Variants in MSR1 observed in about 807,000 individuals in gnomAD.
MSR1 encodes macrophage scavenger receptor 1.
In MSR1, 53 loss-of-function variants were observed where a neutral mutation model predicts 47.2. The observed-to-expected ratio is 1.12, with a 90% CI of 0.90 to 1.41. The LOEUF (loss-of-function observed/expected upper bound fraction) is 1.41. MSR1 is among the 40% of genes most tolerant of loss of function. The pLI, the probability that MSR1 is intolerant of heterozygous loss-of-function variation, is 0.00. For synonymous variants in MSR1, 239 were observed against 185.6 expected (o/e 1.29, Z -2.34); for missense variants, 786 against 546.9 (o/e 1.44, Z -4.36).
chr8:16,188,957 A>AAC lies in MSR1; in HGVS notation c.-5+3639_-5+3640dup, dbSNP rs555116252. On this transcript the variant is annotated intron_variant, in intron 1 of 9. Transcript: ENST00000262101. ...CCAAGTGTTTGCTACCTAATAATTC[A>AAC]ACACACATACATATATATATATATA... 7.7e-3 allele frequency among the ~76,000 whole-genome samples: 637 copies of AAC among 82,398 alleles called. 13 individuals are homozygous for AAC. The highest frequency in any genetic ancestry group is 0.033 in the African/African-American group (512 of 15,346). The allele number at this position is 82,398 out of a possible 152,430, so 54.1% of individuals were successfully genotyped here.
At chr8:16,189,259 A>T (rs1290073911) in intron 1 of MSR1, among the ~76,000 whole-genome samples, 2 of 133,676 alleles carry the variant, frequency 1.5e-5, no homozygotes, top group African/African-American at 5.7e-5. Flanking sequence ...ATATAATCTT[A>T]TTTTATTTAT....
chr8:16,184,605 C>T (rs1801939713), intron 1 of MSR1, among the ~76,000 whole-genome samples: 1 of 152,130 alleles, frequency 6.6e-6, no homozygotes, highest in Non-Finnish European at 1.5e-5. Context: ...CTTTCACAAC[C>T]TACCCAAAAT....
chr8:16,144,560 AT>A (rs1343727869), intron 7 of MSR1, among the ~76,000 whole-genome samples: 1 of 152,112 alleles, frequency 6.6e-6, no homozygotes, highest in Non-Finnish European at 1.5e-5. Context: ...CAAAATAATA[AT>A]AGTAATAATT....
At chr8:16,164,647 T>C (rs1801255831) in intron 4 of MSR1, among the ~76,000 whole-genome samples, 1 of 151,930 alleles carries the variant, frequency 6.6e-6, no homozygotes, top group African/African-American at 2.4e-5. Flanking sequence ...ATTTGATAGA[T>C]TTATATTGGA....
intron 6 of MSR1, among the ~76,000 whole-genome samples, chr8:16,153,311 TGCA>T (rs1478966971): frequency 2.0e-5 from 3 of 152,036 alleles, no homozygotes; most frequent in Non-Finnish European, 4.4e-5. Flanking sequence ...ACGAACAGAA[TGCA>T]GCAAGACATC....
intron 9 of MSR1, among the ~76,000 whole-genome samples, chr8:16,115,866 G>A (rs1799866429): frequency 6.6e-6 from 1 of 152,038 alleles, no homozygotes; most frequent in Non-Finnish European, 1.5e-5. Flanking sequence ...GCAGGCCTGT[G>A]GTCCCGAGAA....
At chr8:16,162,740 T>C (rs1172606332) in intron 5 of MSR1, among the ~76,000 whole-genome samples, 1 of 151,764 alleles carries the variant, frequency 6.6e-6, no homozygotes, top group East Asian at 1.9e-4. Context: ...AAGGTTAGAG[T>C]GGGTTAACTT....
At chr8:16,114,776 C>A (rs182393005) in intron 9 of MSR1, among the ~76,000 whole-genome samples, 23 of 152,252 alleles carry the variant, frequency 1.5e-4, no homozygotes, top group African/African-American at 5.3e-4. Context: ...ACTAAGGATT[C>A]TATCTGCTAA....
intron 8 of MSR1, among the ~76,000 whole-genome samples, chr8:16,138,979 T>C (rs1313212975): frequency 6.6e-6 from 1 of 152,180 alleles, no homozygotes; most frequent in Non-Finnish European, 1.5e-5. Flanking sequence ...GAGACTGGAC[T>C]CTTGTTTTAT....
In MSR1 at chr8:16,177,885, C is replaced by G. The variant is rs150131889; in HGVS notation, c.103+1G>C. 91 of 1,613,240 alleles carry G rather than the reference C, an allele frequency of 5.6e-5. No homozygotes were observed. Among genetic ancestry groups the G allele is most frequent in the Non-Finnish European group, 6.7e-5 (79 of 1,179,422 alleles). On this transcript the variant is annotated splice_donor_variant, in intron 2 of 9. Coordinates refer to ENST00000262101, the MANE Select transcript of MSR1 (RefSeq NM_138715.3). LOFTEE classifies it high-confidence loss of function. ...TGGGCAGCCCATCCCCCTCTACTTACTCGGAGGAAGCAAAGCTGTCATTGA... is the reference window on the plus strand; with the variant it reads ...TGGGCAGCCCATCCCCCTCTACTTAGTCGGAGGAAGCAAAGCTGTCATTGA...
At chr8:16,189,890 T>C (rs1199121919) in intron 1 of MSR1, among the ~76,000 whole-genome samples, 1 of 148,016 alleles carries the variant, frequency 6.8e-6, no homozygotes, top group African/African-American at 2.5e-5. Flanking sequence ...TTCACTGATA[T>C]AAATAATGAT....
At chr8:16,172,624 C>T (rs1432759649) in intron 3 of MSR1, among the ~76,000 whole-genome samples, 1 of 151,914 alleles carries the variant, frequency 6.6e-6, no homozygotes, top group African/African-American at 2.4e-5. Context: ...TTTTCATACC[C>T]CAAATGGATA....
chr8:16,130,510 G>A (rs553278379), intron 8 of MSR1, among the ~76,000 whole-genome samples: 25 of 152,184 alleles, frequency 1.6e-4, no homozygotes, highest in South Asian at 1.2e-3. Context: ...AGGTTCAGGC[G>A]TACCTGTGAA....
chr8:16,144,651 G>A (rs1321381989), intron 7 of MSR1, among the ~76,000 whole-genome samples: 1 of 151,968 alleles, frequency 6.6e-6, no homozygotes, highest in Non-Finnish European at 1.5e-5. Context: ...ATCTTTCTGA[G>A]CTAAAGTTTA....
At chr8:16,120,331 C>A in intron 9 of MSR1, 87 bp downstream of exon 9, 1 of 1,397,182 alleles carries the variant, frequency 7.2e-7, no homozygotes, top group Non-Finnish European at 1.0e-6. Context: ...GAGCCGAGAT[C>A]GCGCCACTGC....
Position 16,110,011 on chromosome 8 carries a change from G to A in MSR1, c.*74C>T, listed in dbSNP as rs1585127515. 24 of 1,558,838 alleles carry A rather than the reference G, an allele frequency of 1.5e-5. No individual in the cohort carries two copies. Among genetic ancestry groups the A allele is most frequent in the East Asian group, 4.5e-5 (2 of 44,422 alleles). ...TTAATCTCTTAAATATTGATTAAAT[G>A]GATTTTACAGGAACAAGGTAATAAA... On this transcript the variant is annotated 3_prime_UTR_variant, in exon 10 of 10. Transcript: ENST00000262101.
intron 2 of MSR1, among the ~76,000 whole-genome samples, chr8:16,175,723 A>G (rs1801626776): frequency 6.6e-6 from 1 of 152,214 alleles, no homozygotes; most frequent in Non-Finnish European, 1.5e-5. Flanking sequence ...TAGGGCAAAT[A>G]CTTATTTTCA....
intron 6 of MSR1, among the ~76,000 whole-genome samples, chr8:16,153,358 T>A (rs1800913650): frequency 6.6e-6 from 1 of 151,998 alleles, no homozygotes; most frequent in Admixed American, 6.6e-5. Flanking sequence ...TGCCTGGTAT[T>A]TTGAATACTT....
chr8:16,111,244 A>G lies in MSR1; in HGVS notation c.1223-1026T>C, dbSNP rs368219513. Among the ~76,000 whole-genome samples the G allele has an allele frequency of 3.7e-4, 57 of 152,316 alleles. No homozygotes were observed. In the South Asian group the frequency reaches 0.011, roughly 30 times the overall value. Reference sequence around the variant, plus strand: ...AAACAATTGCACAAATAGTAAGACTATTCCCATGTTAATACAGGAGGAAGC... The same window carrying G: ...AAACAATTGCACAAATAGTAAGACTGTTCCCATGTTAATACAGGAGGAAGC... On this transcript the variant is annotated intron_variant, in intron 9 of 9. Transcript: ENST00000262101.
Sources: allele counts gnomAD v4.1 joint callset (sites outside exome capture counted in the v4.1 genomes callset), GRCh38; gene constraint gnomAD v4.1.1; transcripts MANE v1.5; gene names NCBI Gene and HGNC (gene_info 2026-07-23, HGNC 2026-07-21).